GRID2: variants seen among roughly 807,000 people sequenced by gnomAD.
The protein encoded by GRID2 is glutamate ionotropic receptor delta type subunit 2, also known as glutamate receptor ionotropic, delta-2.
In GRID2, 33 loss-of-function variants were observed where a neutral mutation model predicts 114.8. The observed-to-expected ratio is 0.29, with a 90% CI of 0.22 to 0.38. The LOEUF is 0.38. Among genes scored for constraint, GRID2 ranks in the 10% least tolerant of loss-of-function variants. GRID2 has a pLI of 1.00. For synonymous variants in GRID2, 505 were observed against 449.9 expected, an observed-to-expected ratio of 1.12 and a Z score of -1.55; for missense variants, 1,184 against 1,257.7, an observed-to-expected ratio of 0.94 and a Z score of 0.89.
chr4:92,379,129 T>G (rs1729496407), intron 1 of GRID2, among the ~76,000 whole-genome samples: 1 of 152,006 alleles, frequency 6.6e-6, no homozygotes, highest in Admixed American at 6.6e-5. Context: ...CAACTAAATT[T>G]ATTATTCAAA....
chr4:92,729,997 A>C (rs1736256788), intron 2 of GRID2, among the ~76,000 whole-genome samples: 2 of 151,912 alleles, frequency 1.3e-5, no homozygotes, highest in Non-Finnish European at 2.9e-5. Context: ...GAATTATAAT[A>C]TGTGTTATCA....
intron 1 of GRID2, among the ~76,000 whole-genome samples, chr4:92,444,535 T>G (rs1733339777): frequency 1.3e-5 from 2 of 152,068 alleles, no homozygotes; most frequent in Admixed American, 1.3e-4. Context: ...TGTCATCAGT[T>G]AAGGTGGGGC....
chr4:93,470,054 A>G (rs1332363373), intron 11 of GRID2, among the ~76,000 whole-genome samples: 1 of 152,118 alleles, frequency 6.6e-6, no homozygotes, highest in African/African-American at 2.4e-5. Context: ...CATTCTACAA[A>G]TGCTGACTTA....
At chr4:93,170,513 A>C (rs931847972) in intron 4 of GRID2, among the ~76,000 whole-genome samples, 1 of 152,076 alleles carries the variant, frequency 6.6e-6, no homozygotes, top group African/African-American at 2.4e-5. Flanking sequence ...TCTTATTTCC[A>C]TTGAGATATA....
At chr4:93,194,952 A>G (rs1191419951) in intron 4 of GRID2, among the ~76,000 whole-genome samples, 3 of 152,182 alleles carry the variant, frequency 2.0e-5, no homozygotes, top group Non-Finnish European at 2.9e-5. Flanking sequence ...ATACTCAAAT[A>G]CATTGTGCAC....
At chr4:92,644,281 G>A (rs1442413159) in intron 2 of GRID2, among the ~76,000 whole-genome samples, 1 of 151,698 alleles carries the variant, frequency 6.6e-6, no homozygotes, top group African/African-American at 2.4e-5. Context: ...TAAGTAAAAT[G>A]TATTTATAGA....
At chr4:93,690,277 G>A (rs556674875) in intron 14 of GRID2, among the ~76,000 whole-genome samples, 60 of 152,024 alleles carry the variant, frequency 3.9e-4, no homozygotes, top group Non-Finnish European at 8.0e-4. Context: ...TATAAAAAAC[G>A]CACAATAAGA....
exon 2 of GRID2, chr4:93,809,172 G>A (rs139414536): frequency 6.6e-6 from 1 of 152,094 alleles, no homozygotes; most frequent in East Asian, 1.9e-4. Context: ...AGGAATGCCA[G>A]CATTTTTCCT....
intron 1 of GRID2, among the ~76,000 whole-genome samples, chr4:92,557,219 C>A (rs1156844827): frequency 6.6e-6 from 1 of 151,928 alleles, no homozygotes; most frequent in Admixed American, 6.6e-5. Flanking sequence ...TGCAAAAATT[C>A]ATTTGTTTCC....
intron 1 of GRID2, among the ~76,000 whole-genome samples, chr4:92,437,998 G>A (rs950686385): frequency 1.3e-5 from 2 of 151,864 alleles, no homozygotes; most frequent in Non-Finnish European, 2.9e-5. Flanking sequence ...TCATTTTTCT[G>A]ATTTTATTCA....
At chr4:92,556,942 C>T (rs1284108891) in intron 1 of GRID2, among the ~76,000 whole-genome samples, 5 of 152,200 alleles carry the variant, frequency 3.3e-5, no homozygotes, top group African/African-American at 1.2e-4. Context: ...CTACCACTCA[C>T]GTAATATCCT....
At chr4:93,762,369 G>C (rs1378698452) in intron 14 of GRID2, among the ~76,000 whole-genome samples, 2 of 152,054 alleles carry the variant, frequency 1.3e-5, no homozygotes, top group Non-Finnish European at 1.5e-5. Context: ...ATATTAAAAT[G>C]GTTATTTTAT....
intron 14 of GRID2, among the ~76,000 whole-genome samples, chr4:93,637,086 A>C (rs1387060565): frequency 6.6e-6 from 1 of 152,200 alleles, no homozygotes; most frequent in Non-Finnish European, 1.5e-5. Flanking sequence ...CATAACTAGA[A>C]CATCTGTTTA....
At chr4:93,672,863 T>C (rs1442337562) in intron 14 of GRID2, among the ~76,000 whole-genome samples, 1 of 152,190 alleles carries the variant, frequency 6.6e-6, no homozygotes, top group East Asian at 1.9e-4. Context: ...CTTTTTTTCC[T>C]TTGGTATCCA....
intron 4 of GRID2, chr4:93,204,166 G>A (rs531560380): frequency 6.6e-6 from 1 of 152,102 alleles, no homozygotes; most frequent in African/African-American, 2.4e-5. Context: ...TTGTAGGGCA[G>A]GGTATTTTTT....
At chr4:93,619,690 C>T (rs556079163) in intron 13 of GRID2, among the ~76,000 whole-genome samples, 4 of 152,192 alleles carry the variant, frequency 2.6e-5, no homozygotes, top group African/African-American at 7.2e-5. Flanking sequence ...CAACAGGCCT[C>T]GAGGGTCCAG....
At chr4:92,329,993 A>AAGAGAGAGAGAGAGAGAGAGAG (rs3076580) in intron 1 of GRID2, among the ~76,000 whole-genome samples, 90 of 132,582 alleles carry the variant, frequency 6.8e-4, no homozygotes, top group East Asian at 4.1e-3. Context: ...TATGGGAGGA[A>AAGAGAGAGAGAGAGAGAGAGAG]AGAGAGAGAG....
At chr4:93,638,354 T>A (rs1721621099) in intron 14 of GRID2, among the ~76,000 whole-genome samples, 1 of 36,772 alleles carries the variant, frequency 2.7e-5, no homozygotes, top group East Asian at 3.1e-4. Context: ...CATGTGCACA[T>A]TGTGCAGGTT....
intron 2 of GRID2, among the ~76,000 whole-genome samples, chr4:93,062,918 A>C (rs910075346): frequency 2.0e-5 from 3 of 151,992 alleles, no homozygotes; most frequent in Non-Finnish European, 4.4e-5. Context: ...AATTGCATAT[A>C]TCTATGAATA....
Sources: allele counts gnomAD v4.1 joint callset (sites outside exome capture counted in the v4.1 genomes callset), GRCh38; gene constraint gnomAD v4.1.1; transcripts MANE v1.5; gene names NCBI Gene and HGNC (gene_info 2026-07-23, HGNC 2026-07-21).